EPB41L3: variants seen among roughly 807,000 people sequenced by gnomAD.
The protein encoded by EPB41L3 is band 4.1-like protein 3.
In EPB41L3, 57 loss-of-function variants were observed where a neutral mutation model predicts 127.1. That is an observed-to-expected ratio of 0.45 (90% confidence interval 0.36 to 0.56). The LOEUF is 0.56. Among genes scored for constraint, EPB41L3 ranks in the 20% least tolerant of loss-of-function variants. The pLI is 0.00. For missense variants in EPB41L3, 1,273 were observed against 1,372.2 expected (o/e 0.93, Z 1.14); for synonymous variants, 572 against 549.5 (o/e 1.04, Z -0.57).
At chr18:5,546,012 A>G (rs952598057), upstream of EPB41L3, among the ~76,000 whole-genome samples, 4 of 152,024 alleles carry the variant, frequency 2.6e-5, no homozygotes, top group Non-Finnish European at 5.9e-5. Flanking sequence ...AATAAATTGT[A>G]TTGTTTACAA....
intron 2 of EPB41L3, among the ~76,000 whole-genome samples, chr18:5,487,498 T>G (rs1283377103): frequency 6.6e-6 from 1 of 151,096 alleles, no homozygotes; most frequent in Non-Finnish European, 1.5e-5. Flanking sequence ...ACCTCAAATT[T>G]TTTTTTTTTT....
intron 2 of EPB41L3, among the ~76,000 whole-genome samples, chr18:5,487,895 ATGC>A (rs2090036533): frequency 6.6e-6 from 1 of 152,172 alleles, no homozygotes; most frequent in Non-Finnish European, 1.5e-5. Flanking sequence ...TTTCACTAAT[ATGC>A]TGATTATATC....
chr18:5,537,822 T>C (rs530560347), intron 1 of EPB41L3, among the ~76,000 whole-genome samples: 20 of 152,096 alleles, frequency 1.3e-4, no homozygotes, highest in Admixed American at 4.6e-4. Context: ...AAAGTCAAAA[T>C]GGGAAATGAA....
chr18:5,532,095 A>G (rs1611793), intron 1 of EPB41L3, among the ~76,000 whole-genome samples: 1 of 152,006 alleles, frequency 6.6e-6, no homozygotes, highest in African/African-American at 2.4e-5. Context: ...TACAATCTAG[A>G]ATTGACACCA....
At chr18:5,413,613 G>C (rs2076454052) in intron 13 of EPB41L3, among the ~76,000 whole-genome samples, 1 of 152,182 alleles carries the variant, frequency 6.6e-6, no homozygotes, top group Non-Finnish European at 1.5e-5. Flanking sequence ...TAAGCAAATG[G>C]CAATTTAAAT....
chr18:5,489,905 G>C (rs1220062041), intron 1 of EPB41L3, among the ~76,000 whole-genome samples: 1 of 152,080 alleles, frequency 6.6e-6, no homozygotes, highest in African/African-American at 2.4e-5. Context: ...ATATCTCATA[G>C]GGAACTCAAA....
chr18:5,405,954 G>A (rs9963887), intron 16 of EPB41L3, among the ~76,000 whole-genome samples: 1,688 of 152,214 alleles, frequency 0.011, 31 homozygotes, highest in African/African-American at 0.038. Flanking sequence ...GGCCAGGTGC[G>A]ATGGCTCACG....
intron 3 of EPB41L3, among the ~76,000 whole-genome samples, chr18:5,584,816 T>C (rs1429071214): frequency 1.3e-5 from 2 of 152,212 alleles, no homozygotes; most frequent in Non-Finnish European, 2.9e-5. Context: ...AATTATTTCA[T>C]CTGATTCAAA....
At chr18:5,585,695 G>A (rs2094435858) in intron 3 of EPB41L3, among the ~76,000 whole-genome samples, 1 of 152,144 alleles carries the variant, frequency 6.6e-6, no homozygotes, top group Non-Finnish European at 1.5e-5. Context: ...TTCTTTGCTA[G>A]GCACTGTGCT....
Position 5,478,430 on chromosome 18 carries a change from G to A in EPB41L3, c.192C>T (p.Asp64=), listed in dbSNP as rs1448951595. 1 of 1,614,048 alleles carries A rather than the reference G, an allele frequency of 6.2e-7. No homozygotes were observed. The highest frequency in any genetic ancestry group is 1.1e-5 in the South Asian group (1 of 91,082). Residue 64 remains aspartate (D), a synonymous_variant, in exon 3 of 23, where the codon GAC becomes GAT. Transcript: ENST00000341928. ...HSTPVRREVT[D]KEQEFAARAA... ...CCCTGGCAGCAAACTCCTGTTCCTT[G>A]TCAGTGACCTGTGAAGAGCAAACAA...
At chr18:5,437,988 C>T (rs747339448) in intron 6 of EPB41L3, 47 bp downstream of exon 6, 1 of 1,560,014 alleles carries the variant, frequency 6.4e-7, no homozygotes, top group East Asian at 2.3e-5. Context: ...AAGAGAAGCA[C>T]AACTCTCCCA....
chr18:5,450,197 T>G (rs974263357), intron 3 of EPB41L3, among the ~76,000 whole-genome samples: 2 of 151,976 alleles, frequency 1.3e-5, no homozygotes, highest in African/African-American at 4.8e-5. Context: ...GAGGGATGAA[T>G]AGGCGGCTAA....
intron 5 of EPB41L3, 102 bp downstream of exon 5, chr18:5,443,736 G>C: frequency 2.4e-6 from 2 of 834,392 alleles, no homozygotes; most frequent in Non-Finnish European, 3.8e-6. Context: ...GATAAGAAAA[G>C]CTTGTATTCA....
At position 5,397,409 on chromosome 18, in the gene EPB41L3, C is replaced by T. The variant is rs747043897; in HGVS notation, c.2490G>A (p.Thr830=). Residue 830 remains threonine (T), a synonymous_variant, in exon 18 of 23, where the codon ACG becomes ACA. Coordinates refer to ENST00000341928, the MANE Select transcript of EPB41L3 (RefSeq NM_012307.5). This position sits in a 1 kb window ranked among gnomAD's most constrained non-coding sequence, Gnocchi z 4.1. ...QSWVQKMETK[T]ESSGIETEPT... ...GTTCCGTCTCTATTCCACTGGACTC[C>T]GTCTTGGTTTCCATTTTCTGCATGG... 15 of 1,608,090 alleles carry T rather than the reference C, an allele frequency of 9.3e-6. No homozygotes were observed. Among genetic ancestry groups the T allele is most frequent in the East Asian group, 6.7e-5 (3 of 44,742 alleles).
At chr18:5,556,736 C>T (rs534715052) in intron 3 of EPB41L3, among the ~76,000 whole-genome samples, 6 of 152,142 alleles carry the variant, frequency 3.9e-5, no homozygotes, top group Admixed American at 1.3e-4. Flanking sequence ...ACAGACCTGC[C>T]CTCTGCCCCG....
chr18:5,403,873 A>G (rs1312481979), intron 16 of EPB41L3, among the ~76,000 whole-genome samples: 1 of 152,232 alleles, frequency 6.6e-6, no homozygotes, highest in Non-Finnish European at 1.5e-5. Context: ...TCGTTTGGTT[A>G]TATATTTATA....
At chr18:5,626,671 A>G (rs1382932248) in intron 1 of EPB41L3, among the ~76,000 whole-genome samples, 3 of 152,222 alleles carry the variant, frequency 2.0e-5, no homozygotes, top group South Asian at 2.1e-4. Context: ...GGTGAAAATT[A>G]CTATTCTCCT....
At chr18:5,523,795 T>A (rs1315859427) in intron 1 of EPB41L3, among the ~76,000 whole-genome samples, 1 of 151,906 alleles carries the variant, frequency 6.6e-6, no homozygotes, top group Non-Finnish European at 1.5e-5. Flanking sequence ...AAAAAAAAAA[T>A]TAACACCTAC....
chr18:5,433,444 G>A, intron 8 of EPB41L3, 25 bp downstream of exon 8: 1 of 1,527,334 alleles, frequency 6.5e-7, no homozygotes, highest in Non-Finnish European at 9.0e-7. Flanking sequence ...TAAATTGAAA[G>A]TTTAGGGTTT....
Sources: gnomAD v4.1 joint callset for allele counts (sites outside exome capture counted in the v4.1 genomes callset) on GRCh38, gnomAD v4.1.1 for gene constraint, Gnocchi (gnomAD v3.1) non-coding constraint, MANE v1.5 for transcripts, NCBI Gene and HGNC (gene_info 2026-07-23, HGNC 2026-07-21) for gene names.